The following SDAD1 variants were observed in gnomAD, a reference collection of about 807,000 sequenced individuals.
SDAD1 encodes the protein SDA1 domain containing 1.
Under a neutral mutation model 100.3 loss-of-function variants are expected in SDAD1, and 79 were observed. The ratio of observed to expected loss-of-function variants is 0.79; its 90% CI spans 0.66 to 0.95. SDAD1 has a LOEUF of 0.95. Among genes scored for constraint, SDAD1 ranks in the 40% least tolerant of loss-of-function variants. SDAD1 has a pLI of 0.00. For missense variants in SDAD1, 790 were observed against 810.9 expected, an observed-to-expected ratio of 0.97 and a Z score of 0.31; for synonymous variants, 267 against 271.4, an observed-to-expected ratio of 0.98 and a Z score of 0.16.
At chr4:75,950,944 C>T in intron 21 of SDAD1, 147 bp from the exon 22 acceptor site, 2 of 536,098 alleles carry the variant, frequency 3.7e-6, no homozygotes, top group Non-Finnish European at 6.8e-6. Context: ...CAAAACAGAT[C>T]ACATCTGAAT....
Position 75,970,345 on chromosome 4 carries a change from T to C in SDAD1, c.847A>G (p.Asn283Asp). ...TGAATCAAGTGAATGGCTGAAAAGT[T>C]AAACACCTCTGGTTTTTTCTTCTTT... ...QKKKKKPEVFNFSAIHLIHDP... is the reference protein window; with the variant it reads ...QKKKKKPEVFDFSAIHLIHDP... The change falls in exon 10 of 22, where the codon AAC becomes GAC. Residue 283 changes from asparagine to aspartate, a missense_variant. Physicochemically the swap from Asn to Asp is conservative, Grantham distance 23. Transcript: ENST00000356260. 1 of 1,613,970 alleles carries C rather than the reference T, an allele frequency of 6.2e-7. No individual in the cohort carries two copies. Among genetic ancestry groups the C allele is most frequent in the East Asian group, 2.2e-5 (1 of 44,860 alleles).
chr4:75,986,019 T>G (rs1039448522), intron 1 of SDAD1, among the ~76,000 whole-genome samples: 1 of 152,200 alleles, frequency 6.6e-6, no homozygotes, highest in African/African-American at 2.4e-5. Flanking sequence ...TTATACCCAT[T>G]TGGTAAAATG....
chr4:75,952,921 C>T (rs1451518151), intron 21 of SDAD1, among the ~76,000 whole-genome samples: 2 of 152,146 alleles, frequency 1.3e-5, no homozygotes, highest in African/African-American at 4.8e-5. Context: ...TATATTGTTA[C>T]AATTTCCTCT....
rs199727822 is a variant in SDAD1, at chr4:75,965,796, C to T, written c.1072G>A (p.Ala358Thr). 1.2e-6 allele frequency: 2 copies of T among 1,613,654 alleles called. No homozygotes were observed. The highest frequency in any genetic ancestry group is 3.3e-5 in the Admixed American group (2 of 59,968). The change falls in exon 13 of 22, where the codon GCA (alanine) becomes ACA (threonine). Residue 358 changes from alanine (A) to threonine (T), a missense_variant. Transcript: ENST00000356260. ...GGTACTAGGTGATGAGATGCTTGTGCAGCAAACAGAAGGATCTTGGTTACT... is the reference window on the plus strand; with the variant it reads ...GGTACTAGGTGATGAGATGCTTGTGTAGCAAACAGAAGGATCTTGGTTACT... ...REVTKILLFAAQASHHLVPPE... is the reference protein window; with the variant it reads ...REVTKILLFATQASHHLVPPE...
chr4:75,974,217 A>G (rs527841967), intron 6 of SDAD1, 84 bp from the exon 7 acceptor site: 25 of 1,115,024 alleles, frequency 2.2e-5, no homozygotes, highest in South Asian at 1.1e-4. Flanking sequence ...AATAAATGAT[A>G]TAACAAATGT....
intron 6 of SDAD1, among the ~76,000 whole-genome samples, chr4:75,975,066 TA>T (rs963377363): frequency 2.7e-5 from 4 of 150,748 alleles, no homozygotes; most frequent in Non-Finnish European, 4.4e-5. Context: ...AAATAAAAAT[TA>T]AAAAAAATAA....
At chr4:75,973,199 T>C (rs1578135181) in intron 8 of SDAD1, 118 bp downstream of exon 8, 2 of 747,016 alleles carry the variant, frequency 2.7e-6, no homozygotes, top group South Asian at 3.6e-5. Context: ...CAGAATTCAA[T>C]AACAGGGCAA....
At chr4:75,977,867 T>C in intron 3 of SDAD1, 111 bp from the exon 4 acceptor site, 1 of 659,064 alleles carries the variant, frequency 1.5e-6, no homozygotes, top group South Asian at 1.9e-5. Flanking sequence ...GACACTATTG[T>C]AGGATTCAGA....
In SDAD1 at chr4:75,967,311, G is replaced by C. The variant is rs148434031; in HGVS notation, c.1011C>G (p.Pro337=). ...IHELFLFNFY[P]FLQRFLQPHQ... ...GGGGCTGCAGAAACCTTTGCAAAAAGGGATAGAAATTGAAGAGGAAAAGCT... is the reference window on the plus strand; with the variant it reads ...GGGGCTGCAGAAACCTTTGCAAAAACGGATAGAAATTGAAGAGGAAAAGCT... The change falls in exon 12 of 22, where the codon CCC becomes CCG. Residue 337 remains proline (P), a synonymous_variant. Transcript: ENST00000356260. 60 of 1,613,978 alleles carry C rather than the reference G, an allele frequency of 3.7e-5. No individual in the cohort carries two copies. The African/African-American group carries it at 6.9e-4, about 19-fold the overall frequency.
chr4:75,961,931 G>T (rs1185704103), intron 14 of SDAD1, among the ~76,000 whole-genome samples: 1 of 152,078 alleles, frequency 6.6e-6, no homozygotes, highest in South Asian at 2.1e-4. Context: ...TAAGTTATAG[G>T]GTACATGTGC....
intron 3 of SDAD1, among the ~76,000 whole-genome samples, chr4:75,977,992 A>C (rs74662682): frequency 0.012 from 1,781 of 152,302 alleles, 33 homozygotes; most frequent in African/African-American, 0.04. Context: ...TCATGAAGGA[A>C]GTAAAACAGG....
intron 1 of SDAD1, 154 bp downstream of exon 1, chr4:75,990,598 C>T (rs1170843067): frequency 1.3e-5 from 20 of 1,525,610 alleles, no homozygotes; most frequent in Non-Finnish European, 1.6e-5. Context: ...AGGCATGTCC[C>T]GTCCCCAACC....
chr4:75,956,204 A>G, intron 20 of SDAD1, 68 bp from the exon 21 acceptor site: 2 of 1,491,504 alleles, frequency 1.3e-6, no homozygotes, highest in Non-Finnish European at 1.8e-6. Context: ...AATCAACATT[A>G]ATGTCTCCTC....
chr4:75,980,807 A>T (rs1730457384), intron 3 of SDAD1: 1 of 154,568 alleles, frequency 6.5e-6, no homozygotes, highest in Non-Finnish European at 1.4e-5. Flanking sequence ...AGCTGAGGAC[A>T]ATGTTGCAGA....
intron 3 of SDAD1, chr4:75,980,641 A>C (rs1336942812): frequency 6.6e-6 from 1 of 152,286 alleles, no homozygotes. Context: ...TTGACTGGAG[A>C]CTAGCTTTAG....
At chr4:75,988,317 C>T (rs1731024521) in intron 1 of SDAD1, among the ~76,000 whole-genome samples, 1 of 152,140 alleles carries the variant, frequency 6.6e-6, no homozygotes, top group South Asian at 2.1e-4. Context: ...CTATTTGGAG[C>T]CACACTGGCC....
chr4:75,955,585 A>G (rs1578111885), intron 21 of SDAD1, among the ~76,000 whole-genome samples: 1 of 152,242 alleles, frequency 6.6e-6, no homozygotes, highest in South Asian at 2.1e-4. Flanking sequence ...AACCAGGCAT[A>G]AAATTGGCAC....
intron 21 of SDAD1, among the ~76,000 whole-genome samples, 158 bp from the exon 22 acceptor site, chr4:75,950,955 C>T (rs934211121): frequency 3.9e-5 from 6 of 152,060 alleles, no homozygotes; most frequent in Admixed American, 3.3e-4. Context: ...ACATCTGAAT[C>T]GAGGATGGGG....
chr4:75,974,111 CAT>C lies in SDAD1; in HGVS notation c.599_600del (p.Asn200SerfsTer9). ...RNIWNDAKTV[N>X]VITTACFSKV... ...TTAGAGAAACATGCAGTTGTGATAA[CAT>C]TGACAGTTTTTGCATCATTCCTGGG... is the stretch of plus-strand genomic sequence containing the variant. On this transcript the variant is annotated frameshift_variant, in exon 7 of 22. Coordinates refer to ENST00000356260, the MANE Select transcript of SDAD1 (RefSeq NM_018115.4). LOFTEE classifies it high-confidence loss of function. The C allele has an allele frequency of 1.2e-6, 2 of 1,613,758 alleles. No individual in the cohort carries two copies. Among genetic ancestry groups the C allele is most frequent in the Non-Finnish European group, 1.7e-6 (2 of 1,179,784 alleles).
Sources: gnomAD v4.1 joint callset for allele counts (sites outside exome capture counted in the v4.1 genomes callset) on GRCh38, gnomAD v4.1.1 for gene constraint, MANE v1.5 for transcripts, NCBI Gene and HGNC (gene_info 2026-07-23, HGNC 2026-07-21) for gene names.